PRKN: variants seen among roughly 807,000 people sequenced by gnomAD.
PRKN encodes the protein parkin RBR E3 ubiquitin protein ligase.
Under a neutral mutation model 59.5 loss-of-function variants are expected in PRKN, and 56 were observed. That is an observed-to-expected ratio of 0.94 (90% CI 0.76 to 1.18). The LOEUF (loss-of-function observed/expected upper bound fraction) is 1.18. Ranked by LOEUF, PRKN falls within the 50% of genes most tolerant of loss-of-function variation. PRKN has a pLI of 0.00. For missense variants in PRKN, 657 were observed against 596.4 expected, an observed-to-expected ratio of 1.10 and a Z score of -1.06; for synonymous variants, 250 against 222.1, an observed-to-expected ratio of 1.13 and a Z score of -1.12.
chr6:161,948,161 T>C (rs1260750844), intron 6 of PRKN, among the ~76,000 whole-genome samples: 1 of 152,036 alleles, frequency 6.6e-6, no homozygotes, highest in African/African-American at 2.4e-5. Flanking sequence ...AATTTCTGTA[T>C]TTTTTAGTAG....
intron 4 of PRKN, among the ~76,000 whole-genome samples, chr6:162,147,344 G>GAA (rs767653516): frequency 0.016 from 660 of 41,988 alleles, 18 homozygotes; most frequent in African/African-American, 0.048. Context: ...CTCTGTCTCA[G>GAA]AAAAAAAAAA....
intron 4 of PRKN, among the ~76,000 whole-genome samples, chr6:162,100,555 C>T (rs944696875): frequency 1.1e-4 from 16 of 151,762 alleles, no homozygotes; most frequent in African/African-American, 3.4e-4. Context: ...GATTCTCCTG[C>T]CTGAGCCTCC....
chr6:161,768,598 C>A (rs1789529616), intron 7 of PRKN, among the ~76,000 whole-genome samples: 1 of 152,030 alleles, frequency 6.6e-6, no homozygotes, highest in South Asian at 2.1e-4. Flanking sequence ...AAAAGTAAAT[C>A]AAACACAGAA....
At chr6:161,595,736 G>T (rs559789237) in intron 7 of PRKN, among the ~76,000 whole-genome samples, 2 of 152,262 alleles carry the variant, frequency 1.3e-5, no homozygotes, top group South Asian at 4.1e-4. Flanking sequence ...TTGGGAGGGG[G>T]ATCACATTAT....
At chr6:162,101,043 C>T (rs1192484623) in intron 4 of PRKN, among the ~76,000 whole-genome samples, 2 of 152,110 alleles carry the variant, frequency 1.3e-5, no homozygotes, top group African/African-American at 4.8e-5. Context: ...TCTCTTCACT[C>T]TGCTGATTGT....
At chr6:162,126,033 A>T (rs1428984536) in intron 4 of PRKN, among the ~76,000 whole-genome samples, 1 of 152,198 alleles carries the variant, frequency 6.6e-6, no homozygotes, top group East Asian at 1.9e-4. Context: ...GTAGATTATG[A>T]TGTCTAACAG....
Position 162,612,118 on chromosome 6 carries a change from G to A in PRKN, c.7+115544C>T, listed in dbSNP as rs1422771434. On this transcript the variant is annotated intron_variant, in intron 1 of 11. Coordinates refer to ENST00000366898, the MANE Select transcript of PRKN (RefSeq NM_004562.3). ...TGAGGCAGGAGAATGGCGTGAACCC[G>A]GGAGGCGGAGCTTGCAGTGAGCTGA... Among the ~76,000 whole-genome samples, 61 of 146,056 alleles carry A rather than the reference G, an allele frequency of 4.2e-4. No individual in the cohort carries two copies. The South Asian group carries it at 6.0e-3, about 14-fold the overall frequency.
intron 6 of PRKN, among the ~76,000 whole-genome samples, chr6:161,832,203 T>C (rs913659838): frequency 1.3e-5 from 2 of 152,274 alleles, no homozygotes; most frequent in Non-Finnish European, 2.9e-5. Context: ...GGATGCCTGA[T>C]GTTTTAAAAC....
At chr6:162,388,090 T>C (rs1202251699) in intron 2 of PRKN, among the ~76,000 whole-genome samples, 2 of 152,140 alleles carry the variant, frequency 1.3e-5, no homozygotes, top group Admixed American at 1.3e-4. Flanking sequence ...GGGGTGTTAT[T>C]TTAGGAGAAG....
chr6:162,228,071 T>C (rs1778260144), intron 3 of PRKN, among the ~76,000 whole-genome samples: 2 of 152,124 alleles, frequency 1.3e-5, no homozygotes, highest in South Asian at 2.1e-4. Context: ...ATAGAAGGTG[T>C]AGAAACCTCA....
At chr6:162,585,829 A>G (rs1214560485) in intron 1 of PRKN, among the ~76,000 whole-genome samples, 7 of 151,848 alleles carry the variant, frequency 4.6e-5, no homozygotes, top group Non-Finnish European at 8.8e-5. Context: ...AGCCTCCTGA[A>G]TAGCTGGGAT....
chr6:161,409,842 A>G lies in PRKN; in HGVS notation c.1084-22965T>C, dbSNP rs1164425553. 1.3e-5 allele frequency among the ~76,000 whole-genome samples: 2 copies of G among 152,200 alleles called. No individual in the cohort carries two copies. The highest frequency in any genetic ancestry group is 2.9e-5 in the Non-Finnish European group (2 of 68,032). ...CAAGGTTCTCAGCATTCCTCAGATC[A>G]ATAGAACTGTGATGTATCTATATAA... On this transcript the variant is annotated intron_variant, in intron 9 of 11. Transcript: ENST00000366898. This position sits in a 1 kb window ranked among gnomAD's most constrained non-coding sequence, Gnocchi z 4.6.
intron 4 of PRKN, among the ~76,000 whole-genome samples, chr6:162,150,751 G>T (rs1005741544): frequency 1.3e-5 from 2 of 152,148 alleles, no homozygotes; most frequent in Admixed American, 1.3e-4. Context: ...TGGAAAGGAA[G>T]AAATGTTTAA....
Position 161,352,466 on chromosome 6 carries a change from T to A in PRKN, c.1286-2255A>T, listed in dbSNP as rs1784586495. ...ATTTTCAGCACATATTGCATGGTTG[T>A]ATATTTATGATGTAAATAATATGTT... On this transcript the variant is annotated intron_variant, in intron 11 of 11. Transcript: ENST00000366898. The surrounding 1 kb of genome is among the most constrained non-coding windows in gnomAD (Gnocchi z 5.8). Among the ~76,000 whole-genome samples, 1 of 152,128 alleles carries A rather than the reference T, an allele frequency of 6.6e-6. No individual in the cohort carries two copies. Among genetic ancestry groups the A allele is most frequent in the South Asian group, 2.1e-4 (1 of 4,832 alleles).
intron 7 of PRKN, among the ~76,000 whole-genome samples, chr6:161,760,069 G>A (rs1207041248): frequency 2.1e-5 from 1 of 48,594 alleles, no homozygotes; most frequent in African/African-American, 6.0e-5. Context: ...CACACAGCTC[G>A]TTCTTAAAAA....
chr6:162,440,892 G>A (rs972330239), intron 2 of PRKN, among the ~76,000 whole-genome samples: 24 of 151,642 alleles, frequency 1.6e-4, no homozygotes, highest in African/African-American at 5.8e-4. Context: ...GATTATACAA[G>A]AATATCTAGG....
intron 7 of PRKN, among the ~76,000 whole-genome samples, chr6:161,781,056 G>C (rs1441246196): frequency 6.6e-6 from 1 of 152,168 alleles, no homozygotes; most frequent in Admixed American, 6.5e-5. Context: ...GAAGAAACAG[G>C]GATGGAACCG....
At chr6:162,465,477 T>C (rs995278504) in intron 1 of PRKN, among the ~76,000 whole-genome samples, 4 of 152,152 alleles carry the variant, frequency 2.6e-5, no homozygotes, top group Admixed American at 1.3e-4. Flanking sequence ...ATAAATAGTG[T>C]CAGTGAAAAT....
intron 3 of PRKN, among the ~76,000 whole-genome samples, chr6:162,250,817 C>T (rs1186415172): frequency 1.3e-5 from 2 of 152,062 alleles, no homozygotes; most frequent in African/African-American, 2.4e-5. Context: ...GCTAGATAAA[C>T]CCTTATTTTA....
Sources: allele counts gnomAD v4.1 joint callset (sites outside exome capture counted in the v4.1 genomes callset), GRCh38; gene constraint gnomAD v4.1.1; non-coding constraint Gnocchi (gnomAD v3.1); transcripts MANE v1.5; gene names NCBI Gene and HGNC (gene_info 2026-07-23, HGNC 2026-07-21).